The following RBFOX1 variants were observed in gnomAD, a reference collection of about 807,000 sequenced individuals.
RBFOX1 encodes the protein RNA binding protein fox-1 homolog 1.
In RBFOX1, 8 loss-of-function variants were observed where a neutral mutation model predicts 57.7. The ratio of observed to expected loss-of-function variants is 0.14; its 90% CI spans 0.08 to 0.25. The LOEUF (loss-of-function observed/expected upper bound fraction) is 0.25. RBFOX1 is among the 10% of genes least tolerant of loss of function. The probability of loss-of-function intolerance (pLI) is 1.00; values close to 1 mark genes in which losing one functional copy is unlikely to be tolerated. For missense variants in RBFOX1, 611 were observed against 548.5 expected (o/e 1.11, Z -1.14); for synonymous variants, 326 against 222.4 (o/e 1.47, Z -4.15).
chr16:6,641,172 C>G (rs1415214944), intron 2 of RBFOX1, among the ~76,000 whole-genome samples: 4 of 152,134 alleles, frequency 2.6e-5, no homozygotes, highest in African/African-American at 7.2e-5. Flanking sequence ...ACCCCGTAAT[C>G]TTGTATTTGC....
intron 4 of RBFOX1, among the ~76,000 whole-genome samples, chr16:7,403,948 T>G (rs1479122897): frequency 6.7e-6 from 1 of 150,344 alleles, no homozygotes; most frequent in Non-Finnish European, 1.5e-5. Context: ...TTCATTCATT[T>G]GTTAATGGGT....
intron 3 of RBFOX1, among the ~76,000 whole-genome samples, chr16:7,045,091 C>G (rs1047260265): frequency 6.6e-6 from 1 of 152,072 alleles, no homozygotes; most frequent in African/African-American, 2.4e-5. Flanking sequence ...GATCTGCATT[C>G]GATGATCCCT....
intron 3 of RBFOX1, among the ~76,000 whole-genome samples, chr16:7,018,620 AT>A (rs1312227629): frequency 3.3e-5 from 5 of 152,032 alleles, no homozygotes; most frequent in Non-Finnish European, 5.9e-5. Flanking sequence ...GTCAAATGTT[AT>A]TTCTAGTTCT....
intron 4 of RBFOX1, among the ~76,000 whole-genome samples, chr16:7,490,087 A>G (rs1247818998): frequency 6.6e-6 from 1 of 152,190 alleles, no homozygotes; most frequent in Admixed American, 6.5e-5. Context: ...AGCTACATTT[A>G]GTGAACATCT....
intron 1 of RBFOX1, among the ~76,000 whole-genome samples, chr16:6,150,398 G>A (rs1038845022): frequency 2.0e-5 from 3 of 152,082 alleles, no homozygotes; most frequent in Non-Finnish European, 4.4e-5. Flanking sequence ...CAAGGCATGT[G>A]TAAACAACAG....
intron 1 of RBFOX1, among the ~76,000 whole-genome samples, chr16:6,276,717 G>T (rs1362940918): frequency 6.6e-6 from 1 of 151,456 alleles, no homozygotes; most frequent in Non-Finnish European, 1.5e-5. Context: ...GTCGCATTAA[G>T]TTCCCAAGAA....
chr16:6,687,817 A>G (rs537456138), intron 3 of RBFOX1, among the ~76,000 whole-genome samples: 177 of 152,300 alleles, frequency 1.2e-3, no homozygotes, highest in Admixed American at 2.0e-3. Flanking sequence ...AACAAGTCAC[A>G]TGGGCCCAAC....
chr16:7,242,072 A>G (rs2094094405), intron 4 of RBFOX1, among the ~76,000 whole-genome samples: 1 of 152,104 alleles, frequency 6.6e-6, no homozygotes, highest in Non-Finnish European at 1.5e-5. Flanking sequence ...CAGTGATAAC[A>G]ATAATTGAAA....
At chr16:6,741,074 T>A (rs2071934667) in intron 3 of RBFOX1, among the ~76,000 whole-genome samples, 1 of 152,118 alleles carries the variant, frequency 6.6e-6, no homozygotes, top group Admixed American at 6.6e-5. Flanking sequence ...CAGACAACAT[T>A]GACCAGCTGA....
intron 4 of RBFOX1, among the ~76,000 whole-genome samples, chr16:7,262,261 C>G (rs919123110): frequency 6.6e-6 from 1 of 151,568 alleles, no homozygotes; most frequent in East Asian, 1.9e-4. Context: ...TTTATGGTTG[C>G]TGTTGTTAAA....
chr16:7,506,036 A>C (rs2073153174), intron 4 of RBFOX1, among the ~76,000 whole-genome samples: 1 of 151,722 alleles, frequency 6.6e-6, no homozygotes, highest in African/African-American at 2.4e-5. Context: ...ATACAAAAAG[A>C]TAGCCGGGCA....
intron 4 of RBFOX1, among the ~76,000 whole-genome samples, chr16:5,911,079 G>T (rs187274144): frequency 1.3e-5 from 2 of 152,156 alleles, no homozygotes; most frequent in Non-Finnish European, 2.9e-5. Flanking sequence ...CTTAGCATCT[G>T]CTTCTAGGGG....
intron 3 of RBFOX1, among the ~76,000 whole-genome samples, chr16:7,041,131 T>C (rs1328734878): frequency 6.8e-6 from 1 of 147,160 alleles, no homozygotes; most frequent in East Asian, 2.0e-4. Flanking sequence ...ATACGGGGTT[T>C]CACCATGTTG....
At chr16:7,419,061 C>T (rs748056360) in intron 4 of RBFOX1, among the ~76,000 whole-genome samples, 13 of 152,030 alleles carry the variant, frequency 8.6e-5, no homozygotes, top group Non-Finnish European at 4.4e-5. Flanking sequence ...TTCGTCACCA[C>T]GCCCAGATAG....
At chr16:7,341,668 C>T (rs569422645) in intron 4 of RBFOX1, among the ~76,000 whole-genome samples, 1 of 152,004 alleles carries the variant, frequency 6.6e-6, no homozygotes, top group East Asian at 1.9e-4. Flanking sequence ...AGAGTTCCTG[C>T]TACATTTCAG....
chr16:7,413,472 C>A (rs549918010), intron 4 of RBFOX1, among the ~76,000 whole-genome samples: 3 of 152,056 alleles, frequency 2.0e-5, no homozygotes, highest in Non-Finnish European at 4.4e-5. Context: ...TCACAAGATC[C>A]AAGGTGAGGT....
At chr16:5,424,877 T>TTC (rs1201135944) in intron 1 of RBFOX1, among the ~76,000 whole-genome samples, 7 of 10,952 alleles carry the variant, frequency 6.4e-4, no homozygotes, top group African/African-American at 1.5e-3. Flanking sequence ...TTTCTTTTTT[T>TTC]TCTTTCTTTC....
At chr16:6,145,268 T>C (rs1298273127) in intron 1 of RBFOX1, among the ~76,000 whole-genome samples, 3 of 152,146 alleles carry the variant, frequency 2.0e-5, no homozygotes, top group South Asian at 2.1e-4. Flanking sequence ...CTCCCACTTA[T>C]AAGTGAGAGC....
intron 3 of RBFOX1, among the ~76,000 whole-genome samples, chr16:5,709,651 A>C (rs8055397): frequency 0.99 from 147,073 of 149,240 alleles, 72,485 homozygotes; most frequent in East Asian, 1. Flanking sequence ...CTGCATTCTT[A>C]CATAGGATAA....
Sources: allele counts gnomAD v4.1 joint callset (sites outside exome capture counted in the v4.1 genomes callset), GRCh38; gene constraint gnomAD v4.1.1; transcripts MANE v1.5; gene names NCBI Gene and HGNC (gene_info 2026-07-23, HGNC 2026-07-21).